XRCC6: variants seen among roughly 807,000 people sequenced by gnomAD.
The protein encoded by XRCC6 is X-ray repair cross complementing 6.
XRCC6 carries 5 observed loss-of-function variants against 65.7 expected under a neutral mutation model. The ratio of observed to expected loss-of-function variants is 0.08; its 90% CI spans 0.04 to 0.16. The LOEUF (loss-of-function observed/expected upper bound fraction) is 0.16. Among genes scored for constraint, XRCC6 ranks in the 10% least tolerant of loss-of-function variants. The pLI, the probability that XRCC6 is intolerant of heterozygous loss-of-function variation, is 1.00. For synonymous variants in XRCC6, 270 were observed against 270.6 expected (o/e 1.00, Z 0.02); for missense variants, 447 against 738.1 (o/e 0.61, Z 4.57).
intron 6 of XRCC6, among the ~76,000 whole-genome samples, chr22:41,639,667 CTT>C (rs71184825): frequency 3.7e-5 from 3 of 81,034 alleles, no homozygotes; most frequent in Admixed American, 1.2e-4. Context: ...GATTCTCTCT[CTT>C]TTTTTTTTTT....
At chr22:41,635,643 C>T (rs1049237937) in intron 3 of XRCC6, among the ~76,000 whole-genome samples, 10 of 152,006 alleles carry the variant, frequency 6.6e-5, no homozygotes, top group African/African-American at 2.4e-4. Context: ...TGGGGTCAAG[C>T]GATCTTTCAC....
intron 11 of XRCC6, among the ~76,000 whole-genome samples, chr22:41,659,893 C>A (rs559943843): frequency 4.6e-5 from 7 of 151,792 alleles, no homozygotes; most frequent in African/African-American, 1.7e-4. Context: ...ACCATATTGG[C>A]CAGGCTCATC....
intron 2 of XRCC6, among the ~76,000 whole-genome samples, chr22:41,625,905 C>T (rs2067664688): frequency 6.6e-6 from 1 of 151,938 alleles, no homozygotes; most frequent in Admixed American, 6.6e-5. Context: ...AGTGACTAAT[C>T]TCGGCTCGCT....
At chr22:41,638,415 C>T (rs1272298557) in intron 6 of XRCC6, among the ~76,000 whole-genome samples, 1 of 152,078 alleles carries the variant, frequency 6.6e-6, no homozygotes, top group Non-Finnish European at 1.5e-5. Context: ...TAGCATATTA[C>T]CATACTGTTT....
chr22:41,630,965 A>G (rs1601530904), intron 3 of XRCC6, among the ~76,000 whole-genome samples: 1 of 152,164 alleles, frequency 6.6e-6, no homozygotes, highest in African/African-American at 2.4e-5. Context: ...CCCGTTCTCA[A>G]TGAGCTGTTG....
chr22:41,662,664 A>G (rs2068110419), intron 12 of XRCC6, among the ~76,000 whole-genome samples: 1 of 152,244 alleles, frequency 6.6e-6, no homozygotes. Flanking sequence ...GAATAGATCC[A>G]CAGGATGCAT....
chr22:41,621,766 G>A (rs1337746787), intron 1 of XRCC6: 7 of 498,946 alleles, frequency 1.4e-5, no homozygotes, highest in Non-Finnish European at 2.5e-5. Flanking sequence ...GCGGGCCGCC[G>A]CCGGCCCTGA....
At chr22:41,627,428 A>G (rs761385804) in intron 2 of XRCC6, among the ~76,000 whole-genome samples, 3 of 151,906 alleles carry the variant, frequency 2.0e-5, no homozygotes, top group African/African-American at 2.4e-5. Context: ...CTGGGCCAAC[A>G]TGGTAAAACT....
intron 2 of XRCC6, among the ~76,000 whole-genome samples, chr22:41,622,806 G>A (rs898840401): frequency 6.6e-6 from 1 of 151,950 alleles, no homozygotes; most frequent in African/African-American, 2.4e-5. Context: ...TTAGCCGGGC[G>A]TGGTGGCGGT....
chr22:41,657,181 A>G, intron 10 of XRCC6, 149 bp downstream of exon 10: 1 of 1,029,068 alleles, frequency 9.7e-7, no homozygotes, highest in Non-Finnish European at 1.3e-6. Context: ...AAAGCCATAT[A>G]GAGAATGGAA....
At chr22:41,627,022 C>T (rs1040282973) in intron 2 of XRCC6, among the ~76,000 whole-genome samples, 2 of 152,036 alleles carry the variant, frequency 1.3e-5, no homozygotes, top group Non-Finnish European at 2.9e-5. Context: ...GTGATCCTCC[C>T]GCCTTGGTCT....
chr22:41,650,312 C>T (rs2067983146), intron 7 of XRCC6, among the ~76,000 whole-genome samples: 1 of 151,842 alleles, frequency 6.6e-6, no homozygotes, highest in South Asian at 2.1e-4. Flanking sequence ...GCCATGTTGT[C>T]CAGGCTGGTC....
intron 11 of XRCC6, among the ~76,000 whole-genome samples, chr22:41,659,946 A>G (rs1423085817): frequency 2.0e-5 from 3 of 152,184 alleles, no homozygotes; most frequent in African/African-American, 4.8e-5. Flanking sequence ...TCGGCCTCCC[A>G]AAGTGCTGGG....
Position 41,650,591 on chromosome 22 carries a change from G to T in XRCC6, c.961-132G>T. ...TGTTAATTCCCTGTTGGAGAAGGAG[G>T]ATGCCCCAGGTGAGCCATCTTCCTG... On this transcript the variant is annotated intron_variant, in intron 7 of 12. Coordinates refer to ENST00000360079, the MANE Select transcript of XRCC6 (RefSeq NM_001469.5). The T allele has an allele frequency of 2.4e-6, 2 of 834,254 alleles. 1 individual carries two copies. The highest frequency in any genetic ancestry group is 3.4e-5 in the South Asian group (2 of 58,798). 51.7% of individuals were successfully genotyped at this position (834,254 alleles called of 1,614,324 possible). A position where few individuals can be genotyped will look rare whatever the true frequency, so the allele number is the denominator to read the frequency against.
chr22:41,622,658 C>T lies in XRCC6; in HGVS notation c.82+572C>T, dbSNP rs548903310. On this transcript the variant is annotated intron_variant, in intron 2 of 12. Transcript: ENST00000360079. ...GAATATTTTTATTAAAAATGAGAAA[C>T]GGCCAGGCGCGGTGTCTCAAGCCTG... Among the ~76,000 whole-genome samples, 7 of 152,132 alleles carry T rather than the reference C, an allele frequency of 4.6e-5. 2 individuals are homozygous for T. The South Asian group carries it at 1.2e-3, about 27-fold the overall frequency.
chr22:41,630,848 TC>T (rs1409506683), intron 3 of XRCC6, among the ~76,000 whole-genome samples: 1 of 152,116 alleles, frequency 6.6e-6, no homozygotes, highest in African/African-American at 2.4e-5. Context: ...ATGAAAAGTC[TC>T]CCATGTCTAC....
intron 6 of XRCC6, among the ~76,000 whole-genome samples, chr22:41,638,569 A>G (rs1236604173): frequency 6.6e-6 from 1 of 152,134 alleles, no homozygotes; most frequent in African/African-American, 2.4e-5. Flanking sequence ...GTGGATCACA[A>G]GTTCAAGAGA....
intron 3 of XRCC6, among the ~76,000 whole-genome samples, chr22:41,628,703 G>T (rs544682493): frequency 6.6e-6 from 1 of 152,232 alleles, no homozygotes; most frequent in African/African-American, 2.4e-5. Flanking sequence ...GGGCGTGGTG[G>T]CTCATGTCTA....
At chr22:41,640,276 G>A (rs2067861803) in intron 6 of XRCC6, among the ~76,000 whole-genome samples, 1 of 152,042 alleles carries the variant, frequency 6.6e-6, no homozygotes, top group Non-Finnish European at 1.5e-5. Flanking sequence ...AGCCTCCCGA[G>A]TAGCTGGGAC....
Sources: gnomAD v4.1 joint callset for allele counts (sites outside exome capture counted in the v4.1 genomes callset) on GRCh38, gnomAD v4.1.1 for gene constraint, MANE v1.5 for transcripts, NCBI Gene and HGNC (gene_info 2026-07-23, HGNC 2026-07-21) for gene names.